ANKS1B: variants seen among roughly 807,000 people sequenced by gnomAD.
ANKS1B encodes the protein ankyrin repeat and sterile alpha motif domain containing 1B.
ANKS1B carries 36 observed loss-of-function variants against 148.3 expected under a neutral mutation model. That is an observed-to-expected ratio of 0.24 (90% confidence interval 0.19 to 0.32). ANKS1B has a LOEUF of 0.32. Among genes scored for constraint, ANKS1B ranks in the 10% least tolerant of loss-of-function variants. The pLI, the probability that ANKS1B is intolerant of heterozygous loss-of-function variation, is 1.00. For missense variants in ANKS1B, 1,157 were observed against 1,542.6 expected, an observed-to-expected ratio of 0.75 and a Z score of 4.19; for synonymous variants, 542 against 560.8, an observed-to-expected ratio of 0.97 and a Z score of 0.47.
At chr12:99,256,139 ACT>A (rs2075236285) in intron 12 of ANKS1B, among the ~76,000 whole-genome samples, 2 of 151,672 alleles carry the variant, frequency 1.3e-5, no homozygotes, top group African/African-American at 4.8e-5. Context: ...AATCCTAGCT[ACT>A]CGAGAGGTTG....
downstream of ANKS1B, among the ~76,000 whole-genome samples, chr12:98,741,398 G>T (rs566130428): frequency 6.6e-6 from 1 of 152,330 alleles, no homozygotes; most frequent in South Asian, 2.1e-4. Context: ...GCCCACAGAT[G>T]AGTTCTGTGT....
chr12:98,879,479 G>C (rs2099700827), intron 17 of ANKS1B, among the ~76,000 whole-genome samples: 1 of 152,192 alleles, frequency 6.6e-6, no homozygotes, highest in Non-Finnish European at 1.5e-5. Flanking sequence ...TTCCTCTGAA[G>C]AAAAGCAGCA....
chr12:99,407,617 T>C (rs2094562826), intron 11 of ANKS1B, among the ~76,000 whole-genome samples: 1 of 145,828 alleles, frequency 6.9e-6, no homozygotes, highest in Non-Finnish European at 1.5e-5. Flanking sequence ...CTAAAGATTC[T>C]ACCAAAAAAC....
At chr12:98,936,654 G>C (rs905667981) in intron 17 of ANKS1B, among the ~76,000 whole-genome samples, 6 of 151,852 alleles carry the variant, frequency 4.0e-5, no homozygotes, top group Non-Finnish European at 7.4e-5. Flanking sequence ...ATTCTTGTGT[G>C]TACATAATAG....
intron 17 of ANKS1B, among the ~76,000 whole-genome samples, chr12:98,984,663 G>T (rs145547721): frequency 6.6e-6 from 1 of 151,992 alleles, no homozygotes; most frequent in African/African-American, 2.4e-5. Flanking sequence ...TTCTTAGTCC[G>T]CACTGACAGC....
At chr12:99,257,052 G>A (rs1186503681) in intron 12 of ANKS1B, among the ~76,000 whole-genome samples, 1 of 152,076 alleles carries the variant, frequency 6.6e-6, no homozygotes, top group Admixed American at 6.6e-5. Flanking sequence ...AGACCATCCT[G>A]GCTAACACTG....
intron 12 of ANKS1B, among the ~76,000 whole-genome samples, chr12:99,336,256 T>G (rs905485712): frequency 6.6e-6 from 1 of 152,198 alleles, no homozygotes; most frequent in African/African-American, 2.4e-5. Context: ...GAGTTCCTTA[T>G]ATATTCTGGT....
At chr12:99,502,099 TAATC>T (rs1415337826) in intron 10 of ANKS1B, among the ~76,000 whole-genome samples, 1 of 152,162 alleles carries the variant, frequency 6.6e-6, no homozygotes, top group Admixed American at 6.6e-5. Context: ...TTTGACTACT[TAATC>T]AATACATAGC....
At chr12:99,932,164 T>G (rs1413536234) in intron 1 of ANKS1B, among the ~76,000 whole-genome samples, 1 of 152,208 alleles carries the variant, frequency 6.6e-6, no homozygotes, top group Non-Finnish European at 1.5e-5. Flanking sequence ...TTCATCTATT[T>G]GTCTGTTGAT....
intron 16 of ANKS1B, among the ~76,000 whole-genome samples, chr12:99,075,062 A>G (rs2047404178): frequency 6.6e-6 from 1 of 152,172 alleles, no homozygotes; most frequent in South Asian, 2.1e-4. Context: ...TACCCATGGG[A>G]AGAAGGATGA....
chr12:98,782,181 A>C, intron 22 of ANKS1B, 44 bp from the exon 23 acceptor site: 2 of 1,535,130 alleles, frequency 1.3e-6, no homozygotes, highest in South Asian at 2.4e-5. Flanking sequence ...ATAATAGGAG[A>C]GAAAACATAT....
chr12:99,003,427 G>A (rs890397065), intron 17 of ANKS1B, among the ~76,000 whole-genome samples: 1 of 152,104 alleles, frequency 6.6e-6, no homozygotes, highest in Non-Finnish European at 1.5e-5. Context: ...CGGTAGTGTG[G>A]ATACTTCCAC....
chr12:98,932,156 T>C (rs2099814248), intron 17 of ANKS1B, among the ~76,000 whole-genome samples: 1 of 152,108 alleles, frequency 6.6e-6, no homozygotes, highest in Non-Finnish European at 1.5e-5. Flanking sequence ...CACAACAAGC[T>C]CCTTCTGGTT....
At chr12:99,552,939 A>G (rs1302120791) in intron 9 of ANKS1B, among the ~76,000 whole-genome samples, 8 of 152,234 alleles carry the variant, frequency 5.3e-5, no homozygotes, top group Non-Finnish European at 4.4e-5. Flanking sequence ...GGACAGACAC[A>G]ACCATCTATT....
chr12:99,686,408 G>A (rs780429318), intron 8 of ANKS1B, among the ~76,000 whole-genome samples: 1 of 152,128 alleles, frequency 6.6e-6, no homozygotes, highest in Non-Finnish European at 1.5e-5. Context: ...CAATCAGATG[G>A]TTTCTCGACT....
intron 10 of ANKS1B, among the ~76,000 whole-genome samples, chr12:99,469,221 A>G (rs1402411355): frequency 6.8e-6 from 1 of 146,774 alleles, no homozygotes; most frequent in African/African-American, 2.5e-5. Flanking sequence ...GTTCTCACTC[A>G]TAGGTGGGAA....
At chr12:98,988,505 T>C (rs2099924735) in intron 17 of ANKS1B, among the ~76,000 whole-genome samples, 1 of 152,184 alleles carries the variant, frequency 6.6e-6, no homozygotes, top group Non-Finnish European at 1.5e-5. Context: ...CATTCATCCA[T>C]GATGAACACT....
At chr12:98,773,485 C>T (rs2098624843) in intron 24 of ANKS1B, among the ~76,000 whole-genome samples, 1 of 152,156 alleles carries the variant, frequency 6.6e-6, no homozygotes, top group South Asian at 2.1e-4. Context: ...ACAAGAGTCT[C>T]ACTCTGTTGC....
At chr12:99,102,561 T>C (rs538904515) in intron 15 of ANKS1B, among the ~76,000 whole-genome samples, 1 of 152,112 alleles carries the variant, frequency 6.6e-6, no homozygotes, top group East Asian at 1.9e-4. Context: ...CTAGGCAACA[T>C]AGGAAAACCC....
Sources: gnomAD v4.1 joint callset for allele counts (sites outside exome capture counted in the v4.1 genomes callset) on GRCh38, gnomAD v4.1.1 for gene constraint, MANE v1.5 for transcripts, NCBI Gene and HGNC (gene_info 2026-07-23, HGNC 2026-07-21) for gene names.